Variants in AKAP9 observed in about 807,000 individuals in gnomAD.
AKAP9 encodes the protein A-kinase anchor protein 9.
AKAP9 carries 311 observed loss-of-function variants against 488.5 expected under a neutral mutation model. The observed-to-expected ratio is 0.64, with a 90% CI of 0.58 to 0.70. AKAP9 has a LOEUF of 0.70. Among genes scored for constraint, AKAP9 ranks in the 30% least tolerant of loss-of-function variants. The pLI, the probability that AKAP9 is intolerant of heterozygous loss-of-function variation, is 0.00. For missense variants in AKAP9, 4,215 were observed against 4,374.5 expected (o/e 0.96, Z 1.03); for synonymous variants, 1,462 against 1,483.5 (o/e 0.99, Z 0.33).
In AKAP9 at chr7:91,993,060, G is replaced by T. The variant is rs376631476; in HGVS notation, c.576+5G>T. 8 of 1,613,798 alleles carry T rather than the reference G, an allele frequency of 5.0e-6. No individual in the cohort carries two copies. In the Admixed American group the frequency reaches 5.0e-5, roughly 10 times the overall value. On this transcript the variant is annotated splice_donor_5th_base_variant and intron_variant, in intron 5 of 49. Transcript: ENST00000356239. ...GGGACTGAAGGACTGCAGCAGGTAT[G>T]TTTATTTTCTGTGGCTTTTGATTTG... is the stretch of plus-strand genomic sequence containing the variant.
At chr7:91,964,559 C>T (rs946948594) in intron 1 of AKAP9, among the ~76,000 whole-genome samples, 6 of 151,578 alleles carry the variant, frequency 4.0e-5, no homozygotes, top group African/African-American at 9.7e-5. Context: ...TGTAATATAT[C>T]GATGTAACAA....
Position 92,022,365 on chromosome 7 carries a change from C to T in AKAP9, c.3952+13C>T, listed in dbSNP as rs766063067. ...TTGGAAGACATTGGTAAATTTTGAT[C>T]ATATACCACAATGTGGTGTTTTTAT... On this transcript the variant is annotated intron_variant, in intron 13 of 49. Coordinates refer to ENST00000356239, the MANE Select transcript of AKAP9 (RefSeq NM_005751.5). 3 of 1,523,072 alleles carry T rather than the reference C, an allele frequency of 2.0e-6. No homozygotes were observed. The highest frequency in any genetic ancestry group is 2.7e-6 in the Non-Finnish European group (3 of 1,097,442). 94.3% of individuals were successfully genotyped at this position (1,523,072 alleles called of 1,614,324 possible). A position where few individuals can be genotyped will look rare whatever the true frequency, so the allele number is the denominator to read the frequency against.
At chr7:92,077,390 C>T (rs1812790146) in intron 29 of AKAP9, among the ~76,000 whole-genome samples, 1 of 151,918 alleles carries the variant, frequency 6.6e-6, no homozygotes, top group Admixed American at 6.6e-5. Context: ...CACACCTGGC[C>T]CCTATATTGC....
At chr7:92,048,465 T>C (rs910775699) in intron 21 of AKAP9, among the ~76,000 whole-genome samples, 1 of 152,210 alleles carries the variant, frequency 6.6e-6, no homozygotes, top group African/African-American at 2.4e-5. Context: ...TTCATAAAAA[T>C]GAATTCCCCA....
intron 2 of AKAP9, among the ~76,000 whole-genome samples, chr7:91,979,068 A>G (rs1246381869): frequency 2.0e-5 from 3 of 150,368 alleles, no homozygotes; most frequent in Non-Finnish European, 3.0e-5. Context: ...ATGAGCCACC[A>G]CACCTGGCCG....
chr7:92,043,218 T>C (rs554040162), intron 20 of AKAP9: 4 of 373,592 alleles, frequency 1.1e-5, no homozygotes, highest in East Asian at 3.0e-4. Context: ...TACTTCTTAA[T>C]TTCCTCCTTT....
intron 9 of AKAP9, 85 bp from the exon 10 acceptor site, chr7:92,014,164 G>A: frequency 1.1e-6 from 1 of 880,120 alleles, no homozygotes; most frequent in Non-Finnish European, 1.9e-6. Context: ...TTGCAGGGGA[G>A]CTTCCAGTTG....
At chr7:91,973,152 A>T (rs6974760) in intron 1 of AKAP9, among the ~76,000 whole-genome samples, 2 of 152,148 alleles carry the variant, frequency 1.3e-5, no homozygotes, top group African/African-American at 4.8e-5. Context: ...GAGGCAGGCG[A>T]ATTGCTTGAG....
chr7:92,003,116 C>CA lies in AKAP9; in HGVS notation c.3201dup (p.Glu1068ArgfsTer18). 1 of 1,611,114 alleles carries CA rather than the reference C, an allele frequency of 6.2e-7. No homozygotes were observed. Among genetic ancestry groups the CA allele is most frequent in the Non-Finnish European group, 8.5e-7 (1 of 1,178,418 alleles). ...TATGACTGTTGGAGAAGAAAGTAAG[C>CA]AAGAACAGTTGATTTTGGATCACTT... On this transcript the variant is annotated frameshift_variant, in exon 8 of 50. Coordinates refer to ENST00000356239, the MANE Select transcript of AKAP9 (RefSeq NM_005751.5). LOFTEE classifies it high-confidence loss of function.
At chr7:92,028,792 T>C (rs1265339340) in intron 14 of AKAP9, among the ~76,000 whole-genome samples, 2 of 152,202 alleles carry the variant, frequency 1.3e-5, no homozygotes, top group Non-Finnish European at 2.9e-5. Flanking sequence ...ATATTAAGCT[T>C]AACAATTACT....
chr7:92,012,505 G>C lies in AKAP9; in HGVS notation c.3395G>C (p.Arg1132Pro). Residue 1132 changes from arginine to proline, a missense_variant, in exon 9 of 50, where the codon CGT becomes CCT. Physicochemically the swap from Arg to Pro is moderately radical, Grantham distance 103. Transcript: ENST00000356239. ...LVYSTHVDQV[R>P]EYMENEKDKA... ...TATTCAACTCATGTGGATCAGGTTCGTGAATATATGGAAAATGAAAAAGAT... is the reference window on the plus strand; with the variant it reads ...TATTCAACTCATGTGGATCAGGTTCCTGAATATATGGAAAATGAAAAAGAT... The C allele has an allele frequency of 6.2e-7, 1 of 1,614,014 alleles. No individual in the cohort carries two copies. The highest frequency in any genetic ancestry group is 8.5e-7 in the Non-Finnish European group (1 of 1,179,946).
chr7:91,992,534 GCC>G (rs1797883117), intron 4 of AKAP9, among the ~76,000 whole-genome samples: 1 of 151,748 alleles, frequency 6.6e-6, no homozygotes, highest in African/African-American at 2.4e-5. Flanking sequence ...CATGGTGGCA[GCC>G]GCCTGTAGTC....
In AKAP9 at chr7:92,079,614, T is replaced by A; in HGVS notation, c.7481T>A (p.Ile2494Lys). 1 of 1,613,918 alleles carries A rather than the reference T, an allele frequency of 6.2e-7. No homozygotes were observed. The highest frequency in any genetic ancestry group is 8.5e-7 in the Non-Finnish European group (1 of 1,179,970). ...KSFEENGKGS[I>K]INLETRLLQL... ...TTTGAAGAAAATGGCAAAGGTTCCA[T>A]AATTAATTTGGAAACAAGGTTGCTA... The change falls in exon 31 of 50, where the codon ATA (isoleucine) becomes AAA (lysine). Residue 2494 changes from isoleucine (I) to lysine (K), a missense_variant. By Grantham distance (102) the Ile-to-Lys change is moderately radical (BLOSUM62 -3). This residue lies in a region of AKAP9 where 1,476 missense variants were observed against 1,477.4 expected (regional missense o/e 1.00). Coordinates refer to ENST00000356239, the MANE Select transcript of AKAP9 (RefSeq NM_005751.5).
chr7:92,062,596 A>T (rs1810070616), intron 24 of AKAP9, 110 bp downstream of exon 24: 1 of 859,180 alleles, frequency 1.2e-6, no homozygotes, highest in East Asian at 2.7e-5. Context: ...TATATTTTAT[A>T]GAGAGATTTA....
At chr7:91,968,145 C>T (rs1794641380) in intron 1 of AKAP9, among the ~76,000 whole-genome samples, 1 of 152,096 alleles carries the variant, frequency 6.6e-6, no homozygotes, top group South Asian at 2.1e-4. Flanking sequence ...GCCATGTTGC[C>T]CAGGCTGGTC....
Position 92,031,559 on chromosome 7 carries a change from G to C in AKAP9, c.4293G>C (p.Leu1431Phe). The change falls in exon 16 of 50, where the codon TTG becomes TTC. Residue 1431 changes from leucine to phenylalanine, a missense_variant. Coordinates refer to ENST00000356239, the MANE Select transcript of AKAP9 (RefSeq NM_005751.5). ...GVKEETNIVK[L>F]LEKQYQEQLE... ...AAGAGGAAACAAATATCGTTAAGTT[G>C]CTTGAAAAACAATACCAAGAACAAT... The C allele has an allele frequency of 6.2e-7, 1 of 1,612,754 alleles. No individual in the cohort carries two copies. The highest frequency in any genetic ancestry group is 8.5e-7 in the Non-Finnish European group (1 of 1,179,228).
At chr7:92,102,482 TACTACTACCACC>T in intron 45 of AKAP9, 100 bp from the exon 46 acceptor site, 2 of 710,296 alleles carry the variant, frequency 2.8e-6, no homozygotes, top group South Asian at 3.2e-5. Flanking sequence ...CTACTACTAC[TACTACTACCACC>T]ACCACCACCA....
intron 17 of AKAP9, 111 bp from the exon 18 acceptor site, chr7:92,040,563 T>A: frequency 5.4e-6 from 4 of 742,910 alleles, no homozygotes; most frequent in Non-Finnish European, 8.8e-6. Flanking sequence ...ACATGCTTTA[T>A]GGGATAAGGA....
At chr7:92,056,219 C>A (rs901639323) in intron 22 of AKAP9, among the ~76,000 whole-genome samples, 3 of 151,922 alleles carry the variant, frequency 2.0e-5, no homozygotes, top group African/African-American at 7.2e-5. Context: ...CTTATCCTGA[C>A]CGAAATGTTA....
Sources: allele counts gnomAD v4.1 joint callset (sites outside exome capture counted in the v4.1 genomes callset), GRCh38; gene constraint gnomAD v4.1.1; regional missense constraint gnomAD v4.1.1; transcripts MANE v1.5; gene names NCBI Gene and HGNC (gene_info 2026-07-23, HGNC 2026-07-21).